The following TSPAN18 variants were observed in gnomAD, a reference collection of about 807,000 sequenced individuals.
The protein encoded by TSPAN18 is tetraspanin 18, also known as tetraspanin-18.
TSPAN18 carries 14 observed loss-of-function variants against 27.3 expected under a neutral mutation model. The observed-to-expected ratio is 0.51, with a 90% CI of 0.34 to 0.80. The LOEUF (loss-of-function observed/expected upper bound fraction) is 0.80. Among genes scored for constraint, TSPAN18 ranks in the 30% least tolerant of loss-of-function variants. TSPAN18 has a pLI of 0.01. For missense variants in TSPAN18, 268 were observed against 323.9 expected (o/e 0.83, Z 1.32); for synonymous variants, 143 against 136.5 (o/e 1.05, Z -0.33).
chr11:44,924,742 C>T (rs1374615374), intron 8 of TSPAN18, among the ~76,000 whole-genome samples: 16 of 141,336 alleles, frequency 1.1e-4, no homozygotes, highest in Admixed American at 6.8e-4. Context: ...GCTTCAAAAT[C>T]GCTTCACATG....
chr11:44,869,823 C>T (rs11038182), intron 3 of TSPAN18, among the ~76,000 whole-genome samples: 30,385 of 152,138 alleles, frequency 0.2, 3,524 homozygotes, highest in East Asian at 0.26. Flanking sequence ...CTCACATTAT[C>T]AGGCTTTGTA....
chr11:44,831,974 C>A (rs1857163980), intron 2 of TSPAN18, among the ~76,000 whole-genome samples: 2 of 152,226 alleles, frequency 1.3e-5, no homozygotes, highest in South Asian at 4.2e-4. Flanking sequence ...CCCTGAAATG[C>A]AGCAGCTCAG....
intron 2 of TSPAN18, among the ~76,000 whole-genome samples, chr11:44,820,240 T>C (rs1051415009): frequency 6.6e-6 from 1 of 152,196 alleles, no homozygotes; most frequent in African/African-American, 2.4e-5. Context: ...GTTAAGTTTC[T>C]CATAGCCAAC....
chr11:44,805,378 G>A (rs1856570603), intron 2 of TSPAN18, among the ~76,000 whole-genome samples: 1 of 152,210 alleles, frequency 6.6e-6, no homozygotes, highest in African/African-American at 2.4e-5. Context: ...ACATATGTAA[G>A]CTGCTTCCAC....
rs1590671474 is a variant in TSPAN18, at chr11:44,908,831, A to AAAGGAAAGAAAGAAAGAAAGGAAAGAAAG, written c.64-873_64-872insAGGAAAGAAAGAAAGAAAGGAAAGAAAGA. On this transcript the variant is annotated intron_variant, in intron 4 of 9. Coordinates refer to ENST00000520358, the MANE Select transcript of TSPAN18 (RefSeq NM_130783.5). ...AGAAAGAAAGAAAGAAAGAAAGAAA[A>AAAGGAAAGAAAGAAAGAAAGGAAAGAAAG]AGAAAAATGGAGCAGATATTTATTG... Among the ~76,000 whole-genome samples, 89 of 96,228 alleles carry AAAGGAAAGAAAGAAAGAAAGGAAAGAAAG rather than the reference A, an allele frequency of 9.2e-4. 8 individuals carry two copies. The highest frequency in any genetic ancestry group is 3.5e-3 in the African/African-American group (84 of 23,796). 63.1% of individuals were successfully genotyped at this position (96,228 alleles called of 152,430 possible). A position where few individuals can be genotyped will look rare whatever the true frequency, so the allele number is the denominator to read the frequency against.
intron 1 of TSPAN18, among the ~76,000 whole-genome samples, chr11:44,744,729 G>A (rs1267460536): frequency 2.0e-5 from 3 of 152,154 alleles, no homozygotes; most frequent in Non-Finnish European, 4.4e-5. Context: ...AGTGGATTTG[G>A]TTCTTTCCCT....
At chr11:44,801,852 TGA>T (rs1387018765) in intron 2 of TSPAN18, among the ~76,000 whole-genome samples, 2 of 152,072 alleles carry the variant, frequency 1.3e-5, no homozygotes, top group Non-Finnish European at 2.9e-5. Flanking sequence ...GGCCACATAG[TGA>T]GACCCTGTCT....
At chr11:44,906,269 C>T (rs970149740) in intron 3 of TSPAN18, 138 bp from the exon 4 acceptor site, 16 of 792,484 alleles carry the variant, frequency 2.0e-5, no homozygotes, top group African/African-American at 1.9e-4. Context: ...CCAGCATGCT[C>T]ATCTCTATCA....
intron 2 of TSPAN18, among the ~76,000 whole-genome samples, chr11:44,777,783 T>C (rs1281750164): frequency 6.6e-6 from 1 of 152,184 alleles, no homozygotes; most frequent in Non-Finnish European, 1.5e-5. Context: ...TTGTAGTCTT[T>C]ATGCCAGCTC....
chr11:44,857,125 T>C (rs937286179), intron 2 of TSPAN18, among the ~76,000 whole-genome samples: 3 of 151,926 alleles, frequency 2.0e-5, no homozygotes, highest in Admixed American at 6.6e-5. Flanking sequence ...GGCCCAGAGG[T>C]GGGGAAAGAG....
chr11:44,858,998 T>C (rs1461458606), intron 2 of TSPAN18, among the ~76,000 whole-genome samples: 1 of 152,082 alleles, frequency 6.6e-6, no homozygotes, highest in Non-Finnish European at 1.5e-5. Context: ...CACCGTCTGG[T>C]GTGACATTCG....
intron 2 of TSPAN18, among the ~76,000 whole-genome samples, chr11:44,826,346 C>T (rs1390303964): frequency 6.6e-6 from 1 of 152,220 alleles, no homozygotes; most frequent in Non-Finnish European, 1.5e-5. Context: ...ATCACTTGAA[C>T]CCAGGAGGCA....
intron 1 of TSPAN18, among the ~76,000 whole-genome samples, chr11:44,733,255 T>C (rs1458772788): frequency 6.6e-6 from 1 of 152,252 alleles, no homozygotes; most frequent in East Asian, 1.9e-4. Flanking sequence ...TTAAAGCTTC[T>C]AGTATAGAGC....
chr11:44,770,397 C>T (rs554024029), intron 2 of TSPAN18, among the ~76,000 whole-genome samples: 21 of 152,130 alleles, frequency 1.4e-4, no homozygotes, highest in Admixed American at 3.3e-4. Flanking sequence ...GACATAATCT[C>T]GGGGAAGAGG....
intron 2 of TSPAN18, among the ~76,000 whole-genome samples, chr11:44,839,150 C>T (rs1008660354): frequency 5.3e-5 from 8 of 152,188 alleles, no homozygotes; most frequent in Non-Finnish European, 1.0e-4. Flanking sequence ...GTTTCCAACC[C>T]GACTGTTTAC....
At chr11:44,902,939 A>C (rs529751947) in intron 3 of TSPAN18, among the ~76,000 whole-genome samples, 1 of 152,260 alleles carries the variant, frequency 6.6e-6, no homozygotes, top group South Asian at 2.1e-4. Context: ...GACTGGAAGC[A>C]TGCCTTAGCC....
intron 2 of TSPAN18, among the ~76,000 whole-genome samples, chr11:44,769,392 G>A (rs1332405351): frequency 6.6e-6 from 1 of 152,176 alleles, no homozygotes; most frequent in Non-Finnish European, 1.5e-5. Flanking sequence ...TTAGGTATCA[G>A]CATAATGATG....
In TSPAN18 at chr11:44,764,444, T is replaced by TGGATACACA. The variant is rs1176118144; in HGVS notation, c.-220_-219insGATACACAG. 2 of 152,258 alleles carry TGGATACACA rather than the reference T, an allele frequency of 1.3e-5. No individual in the cohort carries two copies. The highest frequency in any genetic ancestry group is 2.9e-5 in the Non-Finnish European group (2 of 68,068). The allele number at this position is 152,258 out of a possible 1,614,324, so 9.4% of individuals were successfully genotyped here. ...TCTCTAGAGTGTATCCAGAAGCTAC[T>TGGATACACA]GTCAGGAGGACACTGTAAGAGAACC... On this transcript the variant is annotated 5_prime_UTR_variant, in exon 2 of 10. Transcript: ENST00000520358.
rs1590713608 is a variant in TSPAN18 at position 44,930,603 on chromosome 11, A to G, written c.*1425A>G. 1 of 322,008 alleles carries G rather than the reference A, an allele frequency of 3.1e-6. No individual in the cohort carries two copies. The highest frequency in any genetic ancestry group is 2.4e-5 in the South Asian group (1 of 41,350). 19.9% of individuals were successfully genotyped at this position (322,008 alleles called of 1,614,324 possible). The stretch of plus-strand genomic sequence containing the variant: ...GGGAGACTCGCAGATGCACACCCAC[A>G]AGTATTCAGTTCTCAAACTCTAGAC... On this transcript the variant is annotated 3_prime_UTR_variant, in exon 10 of 10. Transcript: ENST00000520358.
Sources: gnomAD v4.1 joint callset for allele counts (sites outside exome capture counted in the v4.1 genomes callset) on GRCh38, gnomAD v4.1.1 for gene constraint, MANE v1.5 for transcripts, NCBI Gene and HGNC (gene_info 2026-07-23, HGNC 2026-07-21) for gene names.